The following LRRC7 variants were observed in gnomAD, a reference collection of about 807,000 sequenced individuals.
LRRC7 encodes leucine-rich repeat-containing protein 7.
Under a neutral mutation model 175.7 loss-of-function variants are expected in LRRC7, and 23 were observed. That is an observed-to-expected ratio of 0.13 (90% CI 0.09 to 0.19). The LOEUF (loss-of-function observed/expected upper bound fraction) is 0.19. Among genes scored for constraint, LRRC7 ranks in the 10% least tolerant of loss-of-function variants. The pLI, the probability that LRRC7 is intolerant of heterozygous loss-of-function variation, is 1.00. For synonymous variants in LRRC7, 685 were observed against 680.9 expected, an observed-to-expected ratio of 1.01 and a Z score of -0.09; for missense variants, 1,354 against 1,904.7, an observed-to-expected ratio of 0.71 and a Z score of 5.38.
At chr1:69,792,346 T>A (rs2101062494) in intron 4 of LRRC7, among the ~76,000 whole-genome samples, 186 bp downstream of exon 4, 1 of 152,188 alleles carries the variant, frequency 6.6e-6, no homozygotes, top group East Asian at 1.9e-4. Context: ...TCTCCTCCTC[T>A]TACTAATGTG....
chr1:70,065,563 C>T lies in LRRC7; in HGVS notation c.4231-10514C>T, dbSNP rs1661910589. 2.0e-5 allele frequency among the ~76,000 whole-genome samples: 3 copies of T among 151,806 alleles called. No individual in the cohort carries two copies. In the South Asian group the frequency reaches 6.2e-4, roughly 32 times the overall value. ...TCCTAACAATAGGTTGTTAATGAGA[C>T]CAAAGTCATGAGTTAGCATCTCTTT... On this transcript the variant is annotated intron_variant, in intron 23 of 26. Coordinates refer to ENST00000651989, the MANE Select transcript of LRRC7 (RefSeq NM_001370785.2).
intron 8 of LRRC7, among the ~76,000 whole-genome samples, chr1:69,951,795 G>A (rs1297629896): frequency 1.3e-5 from 2 of 152,048 alleles, no homozygotes; most frequent in African/African-American, 4.8e-5. Context: ...CGTGAGGATG[G>A]AGGGTGGGAG....
intron 25 of LRRC7, among the ~76,000 whole-genome samples, chr1:70,098,636 GA>G (rs1335777486): frequency 1.3e-4 from 19 of 151,856 alleles, no homozygotes; most frequent in Non-Finnish European, 2.8e-4. Context: ...TGATAAAGGG[GA>G]TATCACCACT....
intron 25 of LRRC7, among the ~76,000 whole-genome samples, chr1:70,094,435 C>A (rs1361589569): frequency 6.6e-6 from 1 of 151,938 alleles, no homozygotes; most frequent in Non-Finnish European, 1.5e-5. Context: ...AGGTAAAATT[C>A]CAAGCCATCG....
intron 24 of LRRC7, among the ~76,000 whole-genome samples, 157 bp downstream of exon 24, chr1:70,076,455 A>G (rs1662785109): frequency 6.6e-6 from 1 of 152,156 alleles, no homozygotes. Context: ...CATTCTTTCC[A>G]GTGGTTAAGG....
At chr1:70,014,375 G>A (rs1032159291) in intron 13 of LRRC7, among the ~76,000 whole-genome samples, 1 of 151,932 alleles carries the variant, frequency 6.6e-6, no homozygotes, top group African/African-American at 2.4e-5. Flanking sequence ...GCAGACTTGA[G>A]TTCACCTACA....
At chr1:70,087,325 C>G (rs1035198314) in intron 24 of LRRC7, among the ~76,000 whole-genome samples, 15 of 152,068 alleles carry the variant, frequency 9.9e-5, no homozygotes, top group Admixed American at 7.9e-4. Context: ...CTGGAGAAAG[C>G]CAGAACTGCA....
chr1:69,619,335 T>C (rs1773342), intron 1 of LRRC7, among the ~76,000 whole-genome samples: 19,521 of 152,180 alleles, frequency 0.13, 1,593 homozygotes, highest in South Asian at 0.19. Flanking sequence ...CTTAAAGCAG[T>C]GGCATCAAAC....
chr1:69,639,614 C>A (rs1653904346), intron 1 of LRRC7, among the ~76,000 whole-genome samples: 2 of 151,758 alleles, frequency 1.3e-5, no homozygotes, highest in Admixed American at 6.6e-5. Context: ...TGGCCCATGG[C>A]ATTGTTTGCC....
intron 20 of LRRC7, among the ~76,000 whole-genome samples, chr1:70,036,951 G>A (rs541530999): frequency 6.6e-6 from 1 of 152,162 alleles, no homozygotes; most frequent in Non-Finnish European, 1.5e-5. Context: ...ATGGCATTAT[G>A]AATTAAAATA....
chr1:69,805,697 C>T (rs1481102161), intron 4 of LRRC7, among the ~76,000 whole-genome samples: 2 of 151,828 alleles, frequency 1.3e-5, no homozygotes, highest in African/African-American at 2.4e-5. Context: ...TAAAGAACAT[C>T]ATGGTAACAA....
chr1:69,588,245 T>A (rs1646481462), intron 1 of LRRC7, among the ~76,000 whole-genome samples: 2 of 152,204 alleles, frequency 1.3e-5, no homozygotes, highest in Non-Finnish European at 2.9e-5. Context: ...TGTGTCTCTT[T>A]TTCAGTAAGA....
In LRRC7 at chr1:70,011,865, A is replaced by G. The variant is rs755351152; in HGVS notation, c.1073A>G (p.Tyr358Cys). Reference sequence around the variant, plus strand: ...GAGTCACTACCTTCTACTATTGGCTACCTTCATAGTCTTCGGACATTAGCA... The same window carrying G: ...GAGTCACTACCTTCTACTATTGGCTGCCTTCATAGTCTTCGGACATTAGCA... ...ELESLPSTIG[Y>C]LHSLRTLAVD... The change falls in exon 12 of 27, where the codon TAC becomes TGC. Residue 358 changes from tyrosine to cysteine, a missense_variant. Transcript: ENST00000651989. 7 of 1,595,952 alleles carry G rather than the reference A, an allele frequency of 4.4e-6. No homozygotes were observed. The highest frequency in any genetic ancestry group is 3.4e-6 in the Non-Finnish European group (4 of 1,164,122).
intron 2 of LRRC7, among the ~76,000 whole-genome samples, chr1:69,680,632 G>T (rs1206491098): frequency 6.7e-6 from 1 of 149,870 alleles, no homozygotes; most frequent in Non-Finnish European, 1.5e-5. Flanking sequence ...AATTCTACTT[G>T]CTCTGTGACA....
chr1:69,798,033 T>G (rs1008983374), intron 4 of LRRC7, among the ~76,000 whole-genome samples: 2 of 152,176 alleles, frequency 1.3e-5, no homozygotes, highest in East Asian at 3.9e-4. Context: ...GAGATTCTCC[T>G]GCCTCAGCCT....
chr1:69,980,333 AT>A, intron 8 of LRRC7, 45 bp from the exon 9 acceptor site: 3 of 1,441,200 alleles, frequency 2.1e-6, no homozygotes, highest in East Asian at 2.3e-5. Flanking sequence ...GTAAAAACTA[AT>A]TTAATTTTGT....
chr1:69,583,909 CAG>C (rs1646300074), intron 1 of LRRC7, among the ~76,000 whole-genome samples: 1 of 152,114 alleles, frequency 6.6e-6, no homozygotes, highest in South Asian at 2.1e-4. Flanking sequence ...CTCTCCAAGA[CAG>C]AAAGGTATTT....
chr1:69,582,653 A>G (rs11209494), intron 1 of LRRC7, among the ~76,000 whole-genome samples: 12,154 of 152,174 alleles, frequency 0.08, 811 homozygotes, highest in African/African-American at 0.18. Flanking sequence ...GTCATTCCAA[A>G]TCTTTATCTA....
In LRRC7 at chr1:69,568,341, CT is replaced by C. The variant is rs1383169928; in HGVS notation, c.-298del. 1 of 209,224 alleles carries C rather than the reference CT, an allele frequency of 4.8e-6. No homozygotes were observed. Among genetic ancestry groups the C allele is most frequent in the Non-Finnish European group, 9.6e-6 (1 of 104,248 alleles). 13.0% of individuals were successfully genotyped at this position (209,224 alleles called of 1,614,324 possible). A position where few individuals can be genotyped will look rare whatever the true frequency, so the allele number is the denominator to read the frequency against. On this transcript the variant is annotated 5_prime_UTR_variant, in exon 1 of 27. Transcript: ENST00000651989. ...GCGCGGCGCGCTGGGCAGGCTGAGG[CT>C]GGGGAGTGGACGCGCTCCTGCCTCC...
Sources: allele counts gnomAD v4.1 joint callset (sites outside exome capture counted in the v4.1 genomes callset), GRCh38; gene constraint gnomAD v4.1.1; transcripts MANE v1.5; gene names NCBI Gene and HGNC (gene_info 2026-07-23, HGNC 2026-07-21).